Variants in UTRN observed in about 807,000 individuals in gnomAD.
UTRN encodes the protein utrophin, also known as dystrophin-related protein 1.
Under a neutral mutation model 463.9 loss-of-function variants are expected in UTRN, and 283 were observed. The observed-to-expected ratio is 0.61, with a 90% CI of 0.55 to 0.67. UTRN has a LOEUF of 0.67. UTRN is among the 30% of genes least tolerant of loss of function. The pLI, the probability that UTRN is intolerant of heterozygous loss-of-function variation, is 0.00. For synonymous variants in UTRN, 1,442 were observed against 1,431.5 expected (o/e 1.01, Z -0.17); for missense variants, 3,922 against 4,084.3 (o/e 0.96, Z 1.08).
intron 2 of UTRN, among the ~76,000 whole-genome samples, chr6:144,371,518 T>G (rs973039549): frequency 2.0e-5 from 3 of 152,178 alleles, no homozygotes; most frequent in African/African-American, 7.2e-5. Flanking sequence ...TTCAAGCAAT[T>G]CTCCTGCCTC....
At chr6:144,368,230 G>T (rs890081280) in intron 2 of UTRN, among the ~76,000 whole-genome samples, 1 of 152,094 alleles carries the variant, frequency 6.6e-6, no homozygotes, top group African/African-American at 2.4e-5. Context: ...CCTAATTCTG[G>T]CCATTGATTT....
At chr6:144,813,380 G>C (rs1220425471) in intron 65 of UTRN, among the ~76,000 whole-genome samples, 1 of 151,846 alleles carries the variant, frequency 6.6e-6, no homozygotes, top group Admixed American at 6.6e-5. Context: ...GTAGAGACGG[G>C]GTTTCACCTT....
At chr6:144,391,714 T>C (rs1006315050) in intron 2 of UTRN, among the ~76,000 whole-genome samples, 1 of 152,232 alleles carries the variant, frequency 6.6e-6, no homozygotes, top group Non-Finnish European at 1.5e-5. Flanking sequence ...CAATCTCGGC[T>C]CACTGCAAGC....
At chr6:144,413,161 T>G (rs1784066581) in intron 3 of UTRN, among the ~76,000 whole-genome samples, 1 of 152,188 alleles carries the variant, frequency 6.6e-6, no homozygotes, top group South Asian at 2.1e-4. Flanking sequence ...TCTACAGTCA[T>G]GTGTCACATA....
chr6:144,584,906 A>G (rs1465229606), intron 51 of UTRN, among the ~76,000 whole-genome samples: 23 of 152,094 alleles, frequency 1.5e-4, no homozygotes, highest in Non-Finnish European at 2.9e-5. Context: ...TGAAAAGGCA[A>G]TTTTGATAAT....
At chr6:144,412,736 GTATA>G (rs752178936) in intron 3 of UTRN, among the ~76,000 whole-genome samples, 13 of 107,080 alleles carry the variant, frequency 1.2e-4, no homozygotes, top group African/African-American at 3.1e-4. Context: ...GTGTGTGTGT[GTATA>G]TATATATATA....
chr6:144,459,220 C>G lies in UTRN; in HGVS notation c.2573C>G (p.Ala858Gly). Residue 858 changes from alanine to glycine, a missense_variant, in exon 21 of 75, where the codon GCT becomes GGT. This residue lies in a region of UTRN where 2,349 missense variants were observed against 2,303.8 expected (regional missense o/e 1.02). Coordinates refer to ENST00000367545, the MANE Select transcript of UTRN (RefSeq NM_007124.3). ...GGCCTTCACCCCAAAATTGAAATGG[C>G]TCGTGCAAGCTGCTCGGCCCTGATG... ...LLGLHPKIEM[A>G]RASCSALMSQ... 1 of 1,613,686 alleles carries G rather than the reference C, an allele frequency of 6.2e-7. No individual in the cohort carries two copies. Among genetic ancestry groups the G allele is most frequent in the Non-Finnish European group, 8.5e-7 (1 of 1,179,892 alleles).
At chr6:144,479,028 C>G (rs1434710768) in intron 25 of UTRN, among the ~76,000 whole-genome samples, 5 of 151,730 alleles carry the variant, frequency 3.3e-5, no homozygotes, top group Non-Finnish European at 5.9e-5. Flanking sequence ...TAATAGCAGC[C>G]TCTCCCTCCC....
rs1300974957 is a variant in UTRN at position 144,561,244 on chromosome 6, TATATATATATATATATAC to T, written c.7289+3937_7289+3954del. Among the ~76,000 whole-genome samples the T allele has an allele frequency of 5.3e-3, 411 of 77,460 alleles. 7 individuals carry two copies. The highest frequency in any genetic ancestry group is 0.024 in the South Asian group (44 of 1,834). 50.8% of individuals were successfully genotyped at this position (77,460 alleles called of 152,430 possible). On this transcript the variant is annotated intron_variant, in intron 50 of 74. Coordinates refer to ENST00000367545, the MANE Select transcript of UTRN (RefSeq NM_007124.3). Reference sequence around the variant, plus strand: ...ATATATATATATATATATATATATATATATATATATATATATACATACACACACACACGTATACACACC... The same window carrying T: ...ATATATATATATATATATATATATATATACACACACACACGTATACACACC...
chr6:144,333,148 C>G (rs373543667), intron 2 of UTRN: 7 of 152,166 alleles, frequency 4.6e-5, no homozygotes, highest in Admixed American at 1.3e-4. Flanking sequence ...GTCATGTTGG[C>G]CAGGCCTGTC....
At chr6:144,348,883 G>A (rs1208425463) in intron 2 of UTRN, among the ~76,000 whole-genome samples, 1 of 152,120 alleles carries the variant, frequency 6.6e-6, no homozygotes, top group Non-Finnish European at 1.5e-5. Flanking sequence ...GTGGTGAGCA[G>A]AGGTTGCGCC....
intron 65 of UTRN, among the ~76,000 whole-genome samples, chr6:144,811,852 G>A (rs540868215): frequency 6.6e-5 from 10 of 152,226 alleles, no homozygotes; most frequent in African/African-American, 2.4e-4. Flanking sequence ...TATTTAAGAA[G>A]TAACTCTTGC....
chr6:144,762,011 A>G (rs1263536521), intron 58 of UTRN, among the ~76,000 whole-genome samples: 2 of 152,198 alleles, frequency 1.3e-5, no homozygotes, highest in Non-Finnish European at 2.9e-5. Flanking sequence ...ATTTTTGAAC[A>G]GTCATTTATT....
chr6:144,523,003 A>G lies in UTRN; in HGVS notation c.5734-13A>G. On this transcript the variant is annotated splice_polypyrimidine_tract_variant and intron_variant, in intron 40 of 74. Transcript: ENST00000367545. ...TTGCTGGATTTTGTTAATCTATGAC[A>G]ATATATTTTTAGAATATCAAAGACC... 6.4e-7 allele frequency: 1 copy of G among 1,570,102 alleles called. No individual in the cohort carries two copies. Among genetic ancestry groups the G allele is most frequent in the Non-Finnish European group, 8.6e-7 (1 of 1,159,510 alleles).
At chr6:144,821,713 A>C (rs73596530) in intron 66 of UTRN, among the ~76,000 whole-genome samples, 1 of 152,104 alleles carries the variant, frequency 6.6e-6, no homozygotes, top group Non-Finnish European at 1.5e-5. Flanking sequence ...TTTTTCAATG[A>C]CCCAGAAAAA....
At chr6:144,635,514 C>CTTTTTTTTT (rs1402815648) in intron 51 of UTRN, among the ~76,000 whole-genome samples, 24 of 80,020 alleles carry the variant, frequency 3.0e-4, no homozygotes, top group South Asian at 5.5e-4. Flanking sequence ...CTTTTTTTTT[C>CTTTTTTTTT]TTTTTTTTTT....
At chr6:144,372,020 A>C (rs1177071095) in intron 2 of UTRN, among the ~76,000 whole-genome samples, 1 of 152,246 alleles carries the variant, frequency 6.6e-6, no homozygotes, top group Non-Finnish European at 1.5e-5. Context: ...ACAATTGAAA[A>C]GAATAGACAG....
At chr6:144,831,253 A>T (rs901462988) in intron 69 of UTRN, among the ~76,000 whole-genome samples, 4 of 152,168 alleles carry the variant, frequency 2.6e-5, no homozygotes, top group Non-Finnish European at 4.4e-5. Flanking sequence ...CAGGTTTTTA[A>T]TTAAGGACCT....
chr6:144,633,661 C>A (rs1285675226), intron 51 of UTRN, among the ~76,000 whole-genome samples: 1 of 152,076 alleles, frequency 6.6e-6, no homozygotes, highest in African/African-American at 2.4e-5. Flanking sequence ...GAGTAGTCAT[C>A]AAAAGGAAAA....
Sources: gnomAD v4.1 joint callset for allele counts (sites outside exome capture counted in the v4.1 genomes callset) on GRCh38, gnomAD v4.1.1 for gene constraint, gnomAD v4.1.1 regional missense constraint, MANE v1.5 for transcripts, NCBI Gene and HGNC (gene_info 2026-07-23, HGNC 2026-07-21) for gene names.